ASGR1: variants seen among roughly 807,000 people sequenced by gnomAD.
The protein encoded by ASGR1 is C-type lectin domain family 4 member H1.
Under a neutral mutation model 33.1 loss-of-function variants are expected in ASGR1, and 35 were observed. That is an observed-to-expected ratio of 1.06 (90% confidence interval 0.81 to 1.40). The LOEUF (loss-of-function observed/expected upper bound fraction) is 1.40. Ranked by LOEUF, ASGR1 falls within the 40% of genes most tolerant of loss-of-function variation. The pLI is 0.00. For missense variants in ASGR1, 396 were observed against 373.7 expected (o/e 1.06, Z -0.49); for synonymous variants, 142 against 152.5 (o/e 0.93, Z 0.51).
rs746973272 is a variant in ASGR1 at position 7,174,007 on chromosome 17, C to G, written c.655G>C (p.Gly219Arg). The G allele has an allele frequency of 1.2e-6, 2 of 1,614,214 alleles. No individual in the cohort carries two copies. Among genetic ancestry groups the G allele is most frequent in the Non-Finnish European group, 1.7e-6 (2 of 1,180,002 alleles). The change falls in exon 8 of 9, where the codon GGG becomes CGG. Residue 219 changes from glycine to arginine, a missense_variant. Coordinates refer to ENST00000269299, the MANE Select transcript of ASGR1 (RefSeq NM_001671.5). ...GTCCCGTCCACCCACTTCCAGGGCC[C>G]GTTTTGGTCGTGGAGGCCCATCCAG... is the stretch of plus-strand genomic sequence containing the variant. ...NTWMGLHDQN[G>R]PWKWVDGTDY...
In ASGR1 at chr17:7,175,344, CCA is replaced by C. The variant is rs749669952; in HGVS notation, c.356-886_356-885del. On this transcript the variant is annotated intron_variant, in intron 5 of 8. Coordinates refer to ENST00000269299, the MANE Select transcript of ASGR1 (RefSeq NM_001671.5). ...CACGACACACACAACACACCTTCACCCACACACACACACAACACACCCTCACC... is the reference window on the plus strand; with the variant it reads ...CACGACACACACAACACACCTTCACCCACACACACACAACACACCCTCACC... Among the ~76,000 whole-genome samples the C allele has an allele frequency of 9.6e-3, 1,372 of 142,820 alleles. 18 individuals are homozygous for C. The highest frequency in any genetic ancestry group is 0.032 in the African/African-American group (1,214 of 38,324). The allele number at this position is 142,820 out of a possible 152,430, so 93.7% of individuals were successfully genotyped here.
At chr17:7,175,283 A>G in intron 5 of ASGR1, among the ~76,000 whole-genome samples, 1 of 143,850 alleles carries the variant, frequency 7.0e-6, no homozygotes. Context: ...AACACACCCT[A>G]ATCTACAGTC....
In ASGR1 at chr17:7,179,325, T is replaced by C. The variant is rs373279073; in HGVS notation, c.-161A>G. ...ATGGGAGGGGAGCGGGCAGGGTCCA[T>C]AGGAGGGCCCTGGGCCCCGGTGTCT... On this transcript the variant is annotated 5_prime_UTR_variant, in exon 1 of 9. An upstream start codon of the reference 5' UTR is lost. Coordinates refer to ENST00000269299, the MANE Select transcript of ASGR1 (RefSeq NM_001671.5). 5 of 151,926 alleles carry C rather than the reference T, an allele frequency of 3.3e-5. No individual in the cohort carries two copies. Among genetic ancestry groups the C allele is most frequent in the East Asian group, 1.9e-4 (1 of 5,156 alleles). 9.4% of individuals were successfully genotyped at this position (151,926 alleles called of 1,614,324 possible). A position where few individuals can be genotyped will look rare whatever the true frequency, so the allele number is the denominator to read the frequency against.
intron 5 of ASGR1, among the ~76,000 whole-genome samples, chr17:7,174,984 CATAG>C (rs781707331): frequency 6.7e-6 from 1 of 148,900 alleles, no homozygotes; most frequent in Non-Finnish European, 1.5e-5. Flanking sequence ...CACACACATA[CATAG>C]ACACAACACA....
At chr17:7,176,606 ACACT>A (rs1296221034) in intron 5 of ASGR1, 65 of 616,038 alleles carry the variant, frequency 1.1e-4, no homozygotes, top group East Asian at 2.5e-4. Flanking sequence ...TCTCATTCTC[ACACT>A]CACAGACATA....
Position 7,177,256 on chromosome 17 carries a change from G to T in ASGR1, c.141C>A (p.Gly47=), listed in dbSNP as rs762182580. The T allele has an allele frequency of 6.2e-7, 1 of 1,613,774 alleles. No homozygotes were observed. Among genetic ancestry groups the T allele is most frequent in the Non-Finnish European group, 8.5e-7 (1 of 1,179,960 alleles). ...CAACCACAAGCAGCAGGAGGCTGAGGCCCAGGGAGAGCAGGAGGAGGCGAG... is the reference window on the plus strand; with the variant it reads ...CAACCACAAGCAGCAGGAGGCTGAGTCCCAGGGAGAGCAGGAGGAGGCGAG... ...SGPRLLLLSL[G]LSLLLLVVVC... The change falls in exon 3 of 9, where the codon GGC becomes GGA. Residue 47 remains glycine (G), a synonymous_variant. Coordinates refer to ENST00000269299, the MANE Select transcript of ASGR1 (RefSeq NM_001671.5).
At position 7,178,355 on chromosome 17, in the gene ASGR1, C is replaced by G; in HGVS notation, c.70+139G>C. The G allele has an allele frequency of 3.3e-6, 3 of 907,738 alleles. 1 individual carries two copies. In the South Asian group the frequency reaches 4.4e-5, roughly 13 times the overall value. The allele number at this position is 907,738 out of a possible 1,614,324, so 56.2% of individuals were successfully genotyped here. On this transcript the variant is annotated intron_variant, in intron 2 of 8. Coordinates refer to ENST00000269299, the MANE Select transcript of ASGR1 (RefSeq NM_001671.5). The stretch of plus-strand genomic sequence containing the variant: ...GCCCCTCTCCTGAGAGAGGCAGTTC[C>G]GACACCTTTCCCAGTGTTGGGGGAG...
At chr17:7,176,809 C>G in intron 5 of ASGR1, 21 bp downstream of exon 5, 1 of 1,610,854 alleles carries the variant, frequency 6.2e-7, no homozygotes. Context: ...CACACACACA[C>G]ACACACACTC....
At chr17:7,175,500 C>T (rs2069187248) in intron 5 of ASGR1, among the ~76,000 whole-genome samples, 1 of 146,174 alleles carries the variant, frequency 6.8e-6, no homozygotes, top group South Asian at 2.1e-4. Context: ...CACACACACT[C>T]ACCCACAACA....
intron 5 of ASGR1, among the ~76,000 whole-genome samples, chr17:7,175,521 C>G (rs1202462148): frequency 6.6e-6 from 1 of 151,098 alleles, no homozygotes; most frequent in East Asian, 1.9e-4. Context: ...CACATATACT[C>G]TTTCACACAT....
At position 7,173,640 on chromosome 17, in the gene ASGR1, G is replaced by C. The variant is rs760851997; in HGVS notation, c.*19C>G. On this transcript the variant is annotated 3_prime_UTR_variant, in exon 9 of 9. Coordinates refer to ENST00000269299, the MANE Select transcript of ASGR1 (RefSeq NM_001671.5). The surrounding 1 kb of genome is among the most constrained non-coding windows in gnomAD (Gnocchi z 4.7). ...CAATCCCGGACCCCTGCGGCAGGTC[G>C]AGGCATTGAAGAAATAAATTAAAGG... 3 of 1,611,690 alleles carry C rather than the reference G, an allele frequency of 1.9e-6. No homozygotes were observed. The highest frequency in any genetic ancestry group is 1.7e-6 in the Non-Finnish European group (2 of 1,179,998).
chr17:7,177,423 G>T, intron 2 of ASGR1, 97 bp from the exon 3 acceptor site: 2 of 923,664 alleles, frequency 2.2e-6, no homozygotes, highest in Non-Finnish European at 3.3e-6. Context: ...GGCCCTAGTA[G>T]TCTAGGAGGA....
chr17:7,173,521 A>G lies in ASGR1; in HGVS notation c.*138T>C. ...AAGCGCCACGGGTTTCAAGCTCCTCACCTTCGGAACATCACCCTATCCTTC... is the reference window on the plus strand; with the variant it reads ...AAGCGCCACGGGTTTCAAGCTCCTCGCCTTCGGAACATCACCCTATCCTTC... On this transcript the variant is annotated 3_prime_UTR_variant, in exon 9 of 9. Transcript: ENST00000269299. The surrounding 1 kb of genome is among the most constrained non-coding windows in gnomAD (Gnocchi z 4.7). 8.2e-7 allele frequency: 1 copy of G among 1,219,066 alleles called. No individual in the cohort carries two copies. The highest frequency in any genetic ancestry group is 1.1e-6 in the Non-Finnish European group (1 of 889,678). The allele number at this position is 1,219,066 out of a possible 1,614,324, so 75.5% of individuals were successfully genotyped here.
chr17:7,175,527 C>T (rs1280291877), intron 5 of ASGR1, among the ~76,000 whole-genome samples: 1 of 151,564 alleles, frequency 6.6e-6, no homozygotes, highest in African/African-American at 2.4e-5. Flanking sequence ...TACTCTTTCA[C>T]ACATGCACAC....
At chr17:7,176,229 ACACT>A (rs200218659) in intron 5 of ASGR1, among the ~76,000 whole-genome samples, 7,377 of 135,512 alleles carry the variant, frequency 0.054, 472 homozygotes, top group African/African-American at 0.17. Flanking sequence ...AAACACACAC[ACACT>A]CACAGACACA....
chr17:7,175,850 T>A (rs2069194492), intron 5 of ASGR1, among the ~76,000 whole-genome samples: 1 of 133,424 alleles, frequency 7.5e-6, no homozygotes, highest in African/African-American at 3.5e-5. Context: ...CATCTCATTC[T>A]CACACACACT....
intron 5 of ASGR1, among the ~76,000 whole-genome samples, chr17:7,175,177 G>T (rs1213328196): frequency 7.8e-6 from 1 of 127,858 alleles, no homozygotes; most frequent in Non-Finnish European, 1.6e-5. Context: ...ACACCCTCAC[G>T]CATAACACAC....
intron 2 of ASGR1, chr17:7,177,764 G>A (rs1245877337): frequency 1.7e-5 from 3 of 175,710 alleles, no homozygotes; most frequent in East Asian, 1.6e-4. Flanking sequence ...AGGGAGAGAA[G>A]GTGCAATAGC....
Position 7,177,510 on chromosome 17 carries a change from G to C in ASGR1, c.71-184C>G, listed in dbSNP as rs968620290. 3 of 583,730 alleles carry C rather than the reference G, an allele frequency of 5.1e-6. No individual in the cohort carries two copies. The African/African-American group carries it at 5.6e-5, about 11-fold the overall frequency. 36.2% of individuals were successfully genotyped at this position (583,730 alleles called of 1,614,324 possible). ...CAACTGGAAATCGGGGAGAAAAGAGGGCTGGGGAAGGGGGCTAAGCGCTGA... is the reference window on the plus strand; with the variant it reads ...CAACTGGAAATCGGGGAGAAAAGAGCGCTGGGGAAGGGGGCTAAGCGCTGA... On this transcript the variant is annotated intron_variant, in intron 2 of 8. Transcript: ENST00000269299.
Sources: gnomAD v4.1 joint callset for allele counts (sites outside exome capture counted in the v4.1 genomes callset) on GRCh38, gnomAD v4.1.1 for gene constraint, Gnocchi (gnomAD v3.1) non-coding constraint, MANE v1.5 for transcripts, NCBI Gene and HGNC (gene_info 2026-07-23, HGNC 2026-07-21) for gene names.